The following NEGR1 variants were observed in gnomAD, a reference collection of about 807,000 sequenced individuals.
NEGR1 encodes neuronal growth regulator 1.
A neutral mutation model predicts 40.9 loss-of-function variants in NEGR1; 10 were observed. That is an observed-to-expected ratio of 0.24 (90% CI 0.15 to 0.42). The LOEUF (loss-of-function observed/expected upper bound fraction) is 0.42. Ranked by LOEUF, NEGR1 falls within the 10% of genes least tolerant of loss-of-function variation. The pLI is 1.00. For missense variants in NEGR1, 352 were observed against 438.9 expected, an observed-to-expected ratio of 0.80 and a Z score of 1.77; for synonymous variants, 185 against 166.8, an observed-to-expected ratio of 1.11 and a Z score of -0.84.
At chr1:71,522,398 A>G (rs987873023) in intron 6 of NEGR1, among the ~76,000 whole-genome samples, 3 of 151,960 alleles carry the variant, frequency 2.0e-5, no homozygotes, top group South Asian at 2.1e-4. Context: ...TCAACCAGGT[A>G]TGATGACTAC....
At chr1:71,623,682 A>AT (rs991917462) in intron 4 of NEGR1, among the ~76,000 whole-genome samples, 1 of 151,960 alleles carries the variant, frequency 6.6e-6, no homozygotes, top group Non-Finnish European at 1.5e-5. Flanking sequence ...TAGGAGAGAC[A>AT]TTTTACCTAT....
At chr1:71,597,018 G>T (rs1169517124) in intron 5 of NEGR1, among the ~76,000 whole-genome samples, 1 of 152,072 alleles carries the variant, frequency 6.6e-6, no homozygotes, top group Non-Finnish European at 1.5e-5. Context: ...TTAGATGGTG[G>T]GGGAAGTTAA....
At chr1:72,052,185 A>T (rs1467858242) in intron 1 of NEGR1, among the ~76,000 whole-genome samples, 1 of 151,444 alleles carries the variant, frequency 6.6e-6, no homozygotes, top group Non-Finnish European at 1.5e-5. Context: ...GAACTTTCAA[A>T]TGCTATAGAA....
intron 4 of NEGR1, among the ~76,000 whole-genome samples, chr1:71,615,025 T>C (rs765799945): frequency 1.8e-4 from 28 of 152,146 alleles, no homozygotes; most frequent in Non-Finnish European, 2.8e-4. Flanking sequence ...TTTTGCAAGG[T>C]ATAGAGTTAA....
chr1:71,955,230 G>C (rs1217045261), intron 1 of NEGR1, among the ~76,000 whole-genome samples: 1 of 151,978 alleles, frequency 6.6e-6, no homozygotes, highest in Non-Finnish European at 1.5e-5. Context: ...AATATATTTT[G>C]GTAGGCCATA....
At chr1:71,446,770 G>A (rs749579908) in intron 6 of NEGR1, among the ~76,000 whole-genome samples, 3 of 152,130 alleles carry the variant, frequency 2.0e-5, no homozygotes, top group Non-Finnish European at 4.4e-5. Context: ...AAGGAAACCT[G>A]ACCCAAACCC....
At chr1:71,577,217 G>A (rs1415095586) in intron 6 of NEGR1, among the ~76,000 whole-genome samples, 1 of 152,168 alleles carries the variant, frequency 6.6e-6, no homozygotes, top group African/African-American at 2.4e-5. Flanking sequence ...TTGGTGGAGG[G>A]TCTCTAAGCA....
At chr1:72,161,654 T>C (rs1161272659) in intron 1 of NEGR1, among the ~76,000 whole-genome samples, 1 of 150,180 alleles carries the variant, frequency 6.7e-6, no homozygotes, top group Admixed American at 6.7e-5. Context: ...TTATTAATTA[T>C]TTATTTTTTC....
intron 1 of NEGR1, among the ~76,000 whole-genome samples, chr1:72,276,906 G>T (rs1656068718): frequency 1.3e-5 from 2 of 152,124 alleles, no homozygotes. Flanking sequence ...ATAGAAGGTG[G>T]TAAGATAACC....
chr1:72,255,005 G>T (rs1192234443), intron 1 of NEGR1, among the ~76,000 whole-genome samples: 1 of 151,928 alleles, frequency 6.6e-6, no homozygotes, highest in African/African-American at 2.4e-5. Context: ...TTCTTTATGT[G>T]TTTTCCACCC....
At chr1:71,721,034 T>C (rs976377651) in intron 3 of NEGR1, among the ~76,000 whole-genome samples, 12 of 152,272 alleles carry the variant, frequency 7.9e-5, no homozygotes, top group African/African-American at 2.6e-4. Flanking sequence ...ATTTATAGCA[T>C]GACAGAGAGA....
intron 3 of NEGR1, among the ~76,000 whole-genome samples, chr1:71,752,057 G>T (rs977432752): frequency 1.3e-5 from 2 of 152,112 alleles, no homozygotes; most frequent in African/African-American, 4.8e-5. Context: ...TTTCTCTATA[G>T]GAATTATACA....
At chr1:71,791,644 CA>C (rs1250434825) in intron 2 of NEGR1, among the ~76,000 whole-genome samples, 5 of 151,894 alleles carry the variant, frequency 3.3e-5, no homozygotes, top group Admixed American at 1.3e-4. Context: ...GAAGAGGAAT[CA>C]AAGGCATGCT....
intron 1 of NEGR1, among the ~76,000 whole-genome samples, chr1:71,950,606 C>G (rs941985171): frequency 3.3e-5 from 5 of 151,930 alleles, no homozygotes; most frequent in African/African-American, 9.7e-5. Context: ...AAATCAAAAC[C>G]TACTATATCC....
chr1:71,776,035 A>T (rs78685728), intron 3 of NEGR1, 137 bp downstream of exon 3: 1 of 286,424 alleles, frequency 3.5e-6, no homozygotes. Context: ...ATAAATAAAT[A>T]AATAAATGCA....
chr1:71,612,123 G>A (rs1222773596), intron 4 of NEGR1, among the ~76,000 whole-genome samples: 2 of 152,228 alleles, frequency 1.3e-5, no homozygotes, highest in Non-Finnish European at 2.9e-5. Flanking sequence ...TCGGGAGGCT[G>A]AGGCAGGAGA....
At chr1:71,793,120 A>G (rs2101737691) in intron 2 of NEGR1, among the ~76,000 whole-genome samples, 1 of 148,114 alleles carries the variant, frequency 6.8e-6, no homozygotes, top group South Asian at 2.2e-4. Context: ...ATAAATGAAA[A>G]GTAGAATAGA....
intron 1 of NEGR1, among the ~76,000 whole-genome samples, chr1:72,120,365 G>A: frequency 1.3e-5 from 2 of 151,994 alleles, no homozygotes; most frequent in Middle Eastern, 6.8e-3. Flanking sequence ...AATTATTGAA[G>A]AGTATAGCTA....
chr1:71,928,403 T>TACAC (rs367999795), intron 2 of NEGR1, among the ~76,000 whole-genome samples: 15 of 84,388 alleles, frequency 1.8e-4, no homozygotes, highest in East Asian at 7.3e-4. Context: ...TATGTATATA[T>TACAC]GTGTATGTAT....
Sources: gnomAD v4.1 joint callset for allele counts (sites outside exome capture counted in the v4.1 genomes callset) on GRCh38, gnomAD v4.1.1 for gene constraint, MANE v1.5 for transcripts, NCBI Gene and HGNC (gene_info 2026-07-23, HGNC 2026-07-21) for gene names.